DRD2: variants seen among roughly 807,000 people sequenced by gnomAD.
The protein encoded by DRD2 is dopamine receptor D2.
DRD2 carries 8 observed loss-of-function variants against 38.0 expected under a neutral mutation model. That is an observed-to-expected ratio of 0.21 (90% CI 0.12 to 0.38). The LOEUF (loss-of-function observed/expected upper bound fraction) is 0.38, where lower values mean the gene tolerates loss of function less well. Among genes scored for constraint, DRD2 ranks in the 10% least tolerant of loss-of-function variants. DRD2 has a pLI of 1.00. For missense variants in DRD2, 403 were observed against 607.7 expected, an observed-to-expected ratio of 0.66 and a Z score of 3.54; for synonymous variants, 230 against 238.6, an observed-to-expected ratio of 0.96 and a Z score of 0.33.
chr11:113,471,172 A>G (rs1292728486), intron 1 of DRD2, among the ~76,000 whole-genome samples: 1 of 152,170 alleles, frequency 6.6e-6, no homozygotes, highest in African/African-American at 2.4e-5. Flanking sequence ...AGGCCTGTAC[A>G]TTTAGATAAT....
intron 1 of DRD2, among the ~76,000 whole-genome samples, chr11:113,445,816 G>A (rs933025159): frequency 2.0e-5 from 3 of 152,190 alleles, no homozygotes; most frequent in South Asian, 2.1e-4. Flanking sequence ...CCCAGGAGAC[G>A]GAAGCCCAGA....
In DRD2 at chr11:113,451,990, C is replaced by T. The variant is rs561040089; in HGVS notation, c.-32+23086G>A. On this transcript the variant is annotated intron_variant, in intron 1 of 7. Transcript: ENST00000362072. ...TGAGCTCCATTGTCCCATTTCTTCTCCCCTCCTCTGGCCCCCTCCAGCCCA... is the reference window on the plus strand; with the variant it reads ...TGAGCTCCATTGTCCCATTTCTTCTTCCCTCCTCTGGCCCCCTCCAGCCCA... Among the ~76,000 whole-genome samples, 4 of 152,232 alleles carry T rather than the reference C, an allele frequency of 2.6e-5. No homozygotes were observed. The South Asian group carries it at 8.3e-4, about 32-fold the overall frequency.
chr11:113,434,783 C>A lies in DRD2; in HGVS notation c.-31-10101G>T, dbSNP rs74588544. The stretch of plus-strand genomic sequence containing the variant: ...CAGCAGGCCAAGGGAGCCATCCCCC[C>A]CCATCAGCACCAGCCAGAGACTACC... On this transcript the variant is annotated intron_variant, in intron 1 of 7. Transcript: ENST00000362072. Among the ~76,000 whole-genome samples the A allele has an allele frequency of 3.6e-3, 551 of 152,254 alleles. 6 individuals carry two copies. Among genetic ancestry groups the A allele is most frequent in the African/African-American group, 0.012 (501 of 41,560 alleles).
At chr11:113,439,349 C>T (rs1247393408) in intron 1 of DRD2, among the ~76,000 whole-genome samples, 1 of 152,152 alleles carries the variant, frequency 6.6e-6, no homozygotes, top group Non-Finnish European at 1.5e-5. Context: ...CAGGACGAGA[C>T]TCCCTTCTTC....
intron 1 of DRD2, among the ~76,000 whole-genome samples, chr11:113,436,070 G>A (rs1193260232): frequency 1.3e-5 from 2 of 152,134 alleles, no homozygotes; most frequent in Non-Finnish European, 2.9e-5. Flanking sequence ...CTCATCCTTC[G>A]GCTCCAGCAG....
At chr11:113,470,035 G>C (rs938133326) in intron 1 of DRD2, among the ~76,000 whole-genome samples, 2 of 152,174 alleles carry the variant, frequency 1.3e-5, no homozygotes, top group African/African-American at 4.8e-5. Flanking sequence ...CAGCAAAGGA[G>C]GGTCTGGTGA....
In DRD2 at chr11:113,409,719, G is replaced by GGGCCA. The variant is rs1398468311; in HGVS notation, c.*1003_*1007dup. On this transcript the variant is annotated 3_prime_UTR_variant, in exon 8 of 8. Coordinates refer to ENST00000362072, the MANE Select transcript of DRD2 (RefSeq NM_000795.4). ...CAGCTTCCCCTCCTTCCTCAGGGCA[G>GGGCCA]GGCCAGGCCAGGCCAGATGGTTTTC... 3 of 153,232 alleles carry GGGCCA rather than the reference G, an allele frequency of 2.0e-5. No homozygotes were observed. Among genetic ancestry groups the GGGCCA allele is most frequent in the Admixed American group, 1.3e-4 (2 of 15,294 alleles). The allele number at this position is 153,232 out of a possible 1,614,324, so 9.5% of individuals were successfully genotyped here.
intron 1 of DRD2, among the ~76,000 whole-genome samples, chr11:113,447,267 A>T (rs1297060432): frequency 4.6e-5 from 7 of 152,158 alleles, no homozygotes; most frequent in Non-Finnish European, 1.5e-5. Flanking sequence ...GGAATTGCTC[A>T]GGCTCCGTGA....
At chr11:113,468,768 G>A (rs1951394016) in intron 1 of DRD2, among the ~76,000 whole-genome samples, 1 of 152,138 alleles carries the variant, frequency 6.6e-6, no homozygotes, top group South Asian at 2.1e-4. Flanking sequence ...GGCTGGTTGT[G>A]AACTCCTGAG....
rs188394354 is a variant in DRD2, at chr11:113,434,928, C to T, written c.-31-10246G>A. Among the ~76,000 whole-genome samples, 436 of 152,218 alleles carry T rather than the reference C, an allele frequency of 2.9e-3. 1 individual carries two copies. Among genetic ancestry groups the T allele is most frequent in the South Asian group, 7.9e-3 (38 of 4,826 alleles). On this transcript the variant is annotated intron_variant, in intron 1 of 7. Transcript: ENST00000362072. Reference sequence around the variant, plus strand: ...CACGCACAGTTCCTTGCCCAGCTATCGAAAGGGCCCCTGTGTGAGACTTTG... The same window carrying T: ...CACGCACAGTTCCTTGCCCAGCTATTGAAAGGGCCCCTGTGTGAGACTTTG...
At chr11:113,430,030 C>G (rs934844543) in intron 1 of DRD2, among the ~76,000 whole-genome samples, 6 of 152,224 alleles carry the variant, frequency 3.9e-5, no homozygotes, top group Admixed American at 3.9e-4. Context: ...GATGAAGTGA[C>G]TGTTGCTGTT....
At chr11:113,415,745 G>T in intron 4 of DRD2, 134 bp from the exon 5 acceptor site, 1 of 984,644 alleles carries the variant, frequency 1.0e-6, no homozygotes, top group South Asian at 1.7e-5. Context: ...GATGTTTAAG[G>T]CTGCCTGGTC....
chr11:113,435,635 G>A (rs573915580), intron 1 of DRD2, among the ~76,000 whole-genome samples: 16 of 98,054 alleles, frequency 1.6e-4, no homozygotes, highest in East Asian at 9.2e-4. Context: ...TCCTCCCCCC[G>A]CCCCCCCACT....
intron 1 of DRD2, among the ~76,000 whole-genome samples, chr11:113,447,960 G>A (rs1951168546): frequency 1.3e-5 from 2 of 152,264 alleles, no homozygotes; most frequent in South Asian, 4.2e-4. Context: ...CTCCCTGCTT[G>A]TCAGTCTGGG....
chr11:113,447,327 G>T (rs531707425), intron 1 of DRD2, among the ~76,000 whole-genome samples: 1 of 152,128 alleles, frequency 6.6e-6, no homozygotes, highest in Non-Finnish European at 1.5e-5. Context: ...TGCCTTTCCT[G>T]GGGGAGCTCT....
At chr11:113,437,383 G>T (rs1180957412) in intron 1 of DRD2, among the ~76,000 whole-genome samples, 1 of 152,130 alleles carries the variant, frequency 6.6e-6, no homozygotes, top group Non-Finnish European at 1.5e-5. Flanking sequence ...TCCTTCATGG[G>T]GATGGGCAGG....
rs1167444120 is a variant in DRD2, at chr11:113,409,666, T to C, written c.*1061A>G. Reference sequence around the variant, plus strand: ...GTGCATGGATAGTGATGTTACAGAGTCTAGGCCCCAGGGGCTCTCCCAAGC... The same window carrying C: ...GTGCATGGATAGTGATGTTACAGAGCCTAGGCCCCAGGGGCTCTCCCAAGC... On this transcript the variant is annotated 3_prime_UTR_variant, in exon 8 of 8. Coordinates refer to ENST00000362072, the MANE Select transcript of DRD2 (RefSeq NM_000795.4). The C allele has an allele frequency of 6.5e-6, 1 of 152,772 alleles. No homozygotes were observed. The highest frequency in any genetic ancestry group is 1.9e-4 in the East Asian group (1 of 5,174). 9.5% of individuals were successfully genotyped at this position (152,772 alleles called of 1,614,324 possible).
At chr11:113,414,557 C>A (rs1183398474) in intron 5 of DRD2, 96 bp from the exon 6 acceptor site, 1 of 1,273,692 alleles carries the variant, frequency 7.9e-7, no homozygotes, top group Non-Finnish European at 1.1e-6. Flanking sequence ...TCAGACTGGG[C>A]AGAAGGGCTC....
At chr11:113,411,219 A>G (rs1256078245) in intron 7 of DRD2, among the ~76,000 whole-genome samples, 2 of 151,858 alleles carry the variant, frequency 1.3e-5, no homozygotes, top group Non-Finnish European at 2.9e-5. Flanking sequence ...GTTAGCCAGT[A>G]GAAATGGAAA....
Sources: gnomAD v4.1 joint callset for allele counts (sites outside exome capture counted in the v4.1 genomes callset) on GRCh38, gnomAD v4.1.1 for gene constraint, MANE v1.5 for transcripts, NCBI Gene and HGNC (gene_info 2026-07-23, HGNC 2026-07-21) for gene names.